CSMD1: variants seen among roughly 807,000 people sequenced by gnomAD.
CSMD1 encodes CUB and Sushi multiple domains 1, also known as CUB and sushi domain-containing protein 1.
Under a neutral mutation model 417.5 loss-of-function variants are expected in CSMD1, and 213 were observed. That is an observed-to-expected ratio of 0.51 (90% CI 0.46 to 0.57). The LOEUF is 0.57. CSMD1 is among the 20% of genes least tolerant of loss of function. The pLI is 0.00. For synonymous variants in CSMD1, 2,862 were observed against 1,736.8 expected, an observed-to-expected ratio of 1.65 and a Z score of -16.11; for missense variants, 6,923 against 4,529.7, an observed-to-expected ratio of 1.53 and a Z score of -15.17.
intron 1 of CSMD1, among the ~76,000 whole-genome samples, chr8:4,948,468 T>C (rs562006939): frequency 2.0e-5 from 3 of 152,076 alleles, no homozygotes; most frequent in Non-Finnish European, 4.4e-5. Context: ...TCCAGTAATC[T>C]TGATGTCTGC....
chr8:4,825,938 T>TATC (rs985866311), intron 1 of CSMD1, among the ~76,000 whole-genome samples: 7 of 151,990 alleles, frequency 4.6e-5, no homozygotes, highest in African/African-American at 2.4e-5. Flanking sequence ...AACAGGCAGC[T>TATC]ATCACCTTAC....
At chr8:4,323,348 G>A (rs1055383621) in intron 3 of CSMD1, among the ~76,000 whole-genome samples, 1 of 152,186 alleles carries the variant, frequency 6.6e-6, no homozygotes, top group African/African-American at 2.4e-5. Flanking sequence ...TGAAAAGTGA[G>A]AAATATAAAC....
intron 11 of CSMD1, among the ~76,000 whole-genome samples, chr8:3,472,510 C>A (rs1445596112): frequency 6.6e-6 from 1 of 152,058 alleles, no homozygotes; most frequent in Admixed American, 6.6e-5. Context: ...AACTTGAGAT[C>A]AATCCAACCA....
At chr8:3,814,792 T>C (rs1262695981) in intron 5 of CSMD1, among the ~76,000 whole-genome samples, 1 of 152,188 alleles carries the variant, frequency 6.6e-6, no homozygotes, top group African/African-American at 2.4e-5. Flanking sequence ...TTCTATTTAT[T>C]CGTCACGGTG....
chr8:4,081,347 C>G (rs114184094), intron 3 of CSMD1, among the ~76,000 whole-genome samples: 1 of 152,116 alleles, frequency 6.6e-6, no homozygotes, highest in Non-Finnish European at 1.5e-5. Context: ...GGTTAAACAA[C>G]AGGGTATTGT....
intron 3 of CSMD1, among the ~76,000 whole-genome samples, chr8:4,201,450 A>G (rs571515595): frequency 5.5e-5 from 8 of 144,262 alleles, no homozygotes; most frequent in Non-Finnish European, 1.2e-4. Context: ...AGGCAGGAGA[A>G]TGGCATGAAC....
intron 2 of CSMD1, among the ~76,000 whole-genome samples, chr8:4,513,916 G>A (rs1325432645): frequency 2.6e-5 from 4 of 152,108 alleles, no homozygotes; most frequent in Non-Finnish European, 5.9e-5. Context: ...TTTGAAGTGT[G>A]ATGTCAAATT....
intron 7 of CSMD1, among the ~76,000 whole-genome samples, chr8:3,659,627 G>C (rs145526239): frequency 1.2e-3 from 188 of 152,218 alleles, no homozygotes; most frequent in African/African-American, 4.3e-3. Context: ...AGAGGAGAAG[G>C]GTAGTGGTGA....
At chr8:3,290,887 C>A (rs1584939489) in intron 25 of CSMD1, among the ~76,000 whole-genome samples, 1 of 152,000 alleles carries the variant, frequency 6.6e-6, no homozygotes, top group Non-Finnish European at 1.5e-5. Flanking sequence ...TGAGAGAGGG[C>A]ATCCTGGTCT....
intron 1 of CSMD1, among the ~76,000 whole-genome samples, chr8:4,725,599 C>G (rs746253591): frequency 1.1e-4 from 16 of 152,120 alleles, no homozygotes; most frequent in Non-Finnish European, 1.5e-4. Flanking sequence ...GGGCGCGTCT[C>G]AAATGTCCAC....
intron 5 of CSMD1, among the ~76,000 whole-genome samples, chr8:3,762,858 G>C (rs1416872415): frequency 6.6e-6 from 1 of 152,152 alleles, no homozygotes; most frequent in Non-Finnish European, 1.5e-5. Flanking sequence ...GCCGAGACAC[G>C]GTGGACAGTG....
chr8:4,519,920 A>AGTGTGT (rs3056678), intron 2 of CSMD1, among the ~76,000 whole-genome samples: 7 of 141,324 alleles, frequency 5.0e-5, no homozygotes, highest in Non-Finnish European at 9.4e-5. Context: ...TACATTATGT[A>AGTGTGT]GTGTGTGTGT....
At chr8:4,628,537 G>C (rs1802270655) in intron 2 of CSMD1, among the ~76,000 whole-genome samples, 1 of 151,182 alleles carries the variant, frequency 6.6e-6, no homozygotes, top group Non-Finnish European at 1.5e-5. Context: ...AGAGACATAG[G>C]ATAAGCATAA....
intron 1 of CSMD1, among the ~76,000 whole-genome samples, chr8:4,849,604 G>A (rs1285082972): frequency 6.6e-6 from 1 of 151,982 alleles, no homozygotes; most frequent in Non-Finnish European, 1.5e-5. Context: ...TAATTTTAGT[G>A]ACCTTTTCTA....
intron 5 of CSMD1, among the ~76,000 whole-genome samples, chr8:3,886,269 A>G (rs1449623465): frequency 6.6e-6 from 1 of 152,030 alleles, no homozygotes; most frequent in Admixed American, 6.6e-5. Context: ...GGCTGGTCTC[A>G]AACTCCTGAC....
intron 7 of CSMD1, among the ~76,000 whole-genome samples, chr8:3,670,444 A>G (rs1035187270): frequency 6.7e-6 from 1 of 150,330 alleles, no homozygotes; most frequent in Non-Finnish European, 1.5e-5. Context: ...CCCTTTATAT[A>G]TATATAAATA....
At chr8:4,635,900 A>T (rs1796611513) in intron 2 of CSMD1, among the ~76,000 whole-genome samples, 1 of 152,120 alleles carries the variant, frequency 6.6e-6, no homozygotes, top group African/African-American at 2.4e-5. Flanking sequence ...TATGTATGAA[A>T]GGTAAACATG....
chr8:4,532,117 G>C (rs928881924), intron 2 of CSMD1, among the ~76,000 whole-genome samples: 2 of 138,012 alleles, frequency 1.4e-5, no homozygotes, highest in East Asian at 4.5e-4. Flanking sequence ...GCCATTCACA[G>C]TCACTCCGGA....
chr8:4,413,648 A>C (rs1001543406), intron 3 of CSMD1, among the ~76,000 whole-genome samples: 2 of 152,310 alleles, frequency 1.3e-5, no homozygotes, highest in Middle Eastern at 3.4e-3. Flanking sequence ...TGTTGACTAT[A>C]CACGCAATGG....
Sources: allele counts gnomAD v4.1 joint callset (sites outside exome capture counted in the v4.1 genomes callset), GRCh38; gene constraint gnomAD v4.1.1; transcripts MANE v1.5; gene names NCBI Gene and HGNC (gene_info 2026-07-23, HGNC 2026-07-21).